Variants in C5 observed in about 807,000 individuals in gnomAD.
The protein encoded by C5 is C3 and PZP-like alpha-2-macroglobulin domain-containing protein 4.
In C5, 140 loss-of-function variants were observed where a neutral mutation model predicts 218.8. That is an observed-to-expected ratio of 0.64 (90% CI 0.56 to 0.74). The LOEUF is 0.74. Ranked by LOEUF, C5 falls within the 30% of genes least tolerant of loss-of-function variation. The pLI is 0.00. For synonymous variants in C5, 614 were observed against 682.3 expected, an observed-to-expected ratio of 0.90 and a Z score of 1.56; for missense variants, 1,700 against 1,969.6, an observed-to-expected ratio of 0.86 and a Z score of 2.59.
rs183636440 is a variant in C5, at chr9:121,014,197, A to G, written c.2060-127T>C. On this transcript the variant is annotated intron_variant, in intron 16 of 40. Transcript: ENST00000223642. Reference sequence around the variant, plus strand: ...CCCCCTACCCACAATAGTTATGGCTAGTTGACTGTCCAGACTCCCCTTGGA... The same window carrying G: ...CCCCCTACCCACAATAGTTATGGCTGGTTGACTGTCCAGACTCCCCTTGGA... The G allele has an allele frequency of 9.2e-5, 74 of 800,244 alleles. No homozygotes were observed. In the African/African-American group the frequency reaches 1.1e-3, roughly 12 times the overall value. 49.6% of individuals were successfully genotyped at this position (800,244 alleles called of 1,614,324 possible). A position where few individuals can be genotyped will look rare whatever the true frequency, so the allele number is the denominator to read the frequency against.
At chr9:121,057,433 T>C in the C5 span, among the ~76,000 whole-genome samples, 1 of 152,110 alleles carries the variant, frequency 6.6e-6, no homozygotes, top group Non-Finnish European at 1.5e-5. Context: ...AGACAGACCA[T>C]GTAAAAAGAT....
chr9:121,017,792 A>T lies in C5; in HGVS notation c.1567T>A (p.Tyr523Asn). The T allele has an allele frequency of 6.2e-7, 1 of 1,613,904 alleles. No homozygotes were observed. Among genetic ancestry groups the T allele is most frequent in the Non-Finnish European group, 8.5e-7 (1 of 1,179,844 alleles). ...GTREKFSDAS[Y>N]QSINIPVTQN... ...GTTACTGGAATGTTTATACTTTGAT[A>T]AGATGCATCTGAAAATTTCTCCCTC... The change falls in exon 13 of 41, where the codon TAT (tyrosine) becomes AAT (asparagine). Residue 523 changes from tyrosine (Y) to asparagine (N), a missense_variant. Tyr to Asn is a moderately radical substitution (Grantham distance 143). Coordinates refer to ENST00000223642, the MANE Select transcript of C5 (RefSeq NM_001735.3).
At chr9:120,959,478 C>T (rs1313570197) in intron 38 of C5, among the ~76,000 whole-genome samples, 1 of 151,864 alleles carries the variant, frequency 6.6e-6, no homozygotes, top group African/African-American at 2.4e-5. Flanking sequence ...CCAGGCTGGT[C>T]TCAAACTCCT....
At chr9:121,021,953 TG>T (rs1351300515) in intron 10 of C5, among the ~76,000 whole-genome samples, 3 of 151,798 alleles carry the variant, frequency 2.0e-5, no homozygotes, top group African/African-American at 7.3e-5. Flanking sequence ...CCCAAGTAGC[TG>T]GAACTATTTA....
intron 18 of C5, 55 bp from the exon 19 acceptor site, chr9:121,007,032 T>C: frequency 7.6e-7 from 1 of 1,315,790 alleles, no homozygotes; most frequent in Non-Finnish European, 1.1e-6. Flanking sequence ...TAACCCAACT[T>C]AACAGAGACA....
intron 6 of C5, among the ~76,000 whole-genome samples, chr9:121,031,677 C>T (rs1267147065): frequency 1.3e-5 from 2 of 152,200 alleles, no homozygotes; most frequent in South Asian, 2.1e-4. Context: ...TACTTCTAGC[C>T]ATACGTACAG....
chr9:121,061,982 C>T, the C5 span, among the ~76,000 whole-genome samples: 1 of 152,180 alleles, frequency 6.6e-6, no homozygotes, highest in African/African-American at 2.4e-5. Context: ...ATTCAAGGTA[C>T]ACATAATAGT....
intron 25 of C5, among the ~76,000 whole-genome samples, chr9:120,984,031 T>C (rs1163804034): frequency 1.3e-5 from 2 of 152,194 alleles, no homozygotes; most frequent in East Asian, 3.8e-4. Context: ...TTTAGTAATA[T>C]GCCTTAGAGA....
intron 4 of C5, among the ~76,000 whole-genome samples, chr9:121,035,570 G>A (rs1281490522): frequency 6.6e-6 from 1 of 151,942 alleles, no homozygotes; most frequent in East Asian, 1.9e-4. Flanking sequence ...GCCCCTATCT[G>A]TACAAAAAAC....
intron 14 of C5, 72 bp from the exon 15 acceptor site, chr9:121,016,455 A>G (rs139931096): frequency 1.5e-4 from 229 of 1,576,810 alleles, no homozygotes; most frequent in Non-Finnish European, 1.9e-4. Context: ...AAAAGGTACT[A>G]ATTGTTACAT....
rs2046750224 is a variant in C5 at position 120,952,344 on chromosome 9, A to C, written c.*395T>G. The stretch of plus-strand genomic sequence containing the variant: ...AGGCTTTTTAGCACAGTTTGAAAGC[A>C]AACTCAGGCTTTAATGATCAGTTTC... On this transcript the variant is annotated 3_prime_UTR_variant, in exon 41 of 41. Transcript: ENST00000223642. 2 of 278,450 alleles carry C rather than the reference A, an allele frequency of 7.2e-6. No individual in the cohort carries two copies. The highest frequency in any genetic ancestry group is 4.4e-5 in the African/African-American group (2 of 45,010). 17.2% of individuals were successfully genotyped at this position (278,450 alleles called of 1,614,324 possible).
Position 121,032,215 on chromosome 9 carries a change from AAAATTATAGATGTCATC to A in C5, c.585-37_585-21del. On this transcript the variant is annotated intron_variant, in intron 5 of 40. Coordinates refer to ENST00000223642, the MANE Select transcript of C5 (RefSeq NM_001735.3). ...CCATATCTGTGGAAGCAAAATATTT[AAAATTATAGATGTCATC>A]AAATGTTTTTAATTCACTCAGAGGA... 1 of 1,392,642 alleles carries A rather than the reference AAAATTATAGATGTCATC, an allele frequency of 7.2e-7. No homozygotes were observed. Among genetic ancestry groups the A allele is most frequent in the Non-Finnish European group, 1.0e-6 (1 of 978,750 alleles). 86.3% of individuals were successfully genotyped at this position (1,392,642 alleles called of 1,614,324 possible).
chr9:120,965,160 G>C (rs2046857633), intron 33 of C5, among the ~76,000 whole-genome samples: 1 of 152,136 alleles, frequency 6.6e-6, no homozygotes, highest in Admixed American at 6.6e-5. Context: ...TGGTGGAAGA[G>C]GAGATACTAA....
chr9:121,015,103 T>C, intron 16 of C5, 96 bp downstream of exon 16: 1 of 784,750 alleles, frequency 1.3e-6, no homozygotes, highest in Non-Finnish European at 2.2e-6. Flanking sequence ...TCATTCATTT[T>C]ATTTCAATTA....
At chr9:120,960,628 A>G (rs1416004611) in intron 37 of C5, among the ~76,000 whole-genome samples, 1 of 152,212 alleles carries the variant, frequency 6.6e-6, no homozygotes, top group Non-Finnish European at 1.5e-5. Context: ...CACAACACAA[A>G]TTCGTAAACT....
chr9:121,038,027 A>C, intron 3 of C5, 76 bp from the exon 4 acceptor site: 2 of 685,018 alleles, frequency 2.9e-6, no homozygotes. Flanking sequence ...AACCATCCTT[A>C]AAAGAGATGA....
chr9:121,025,719 C>A, intron 8 of C5, 139 bp from the exon 9 acceptor site: 1 of 762,200 alleles, frequency 1.3e-6, no homozygotes, highest in Non-Finnish European at 2.2e-6. Flanking sequence ...AAGTAGATAA[C>A]CGAGTCCACG....
chr9:121,000,702 C>G (rs529990467), intron 20 of C5, among the ~76,000 whole-genome samples: 8 of 152,096 alleles, frequency 5.3e-5, no homozygotes, highest in Non-Finnish European at 1.2e-4. Flanking sequence ...ATTTTAGGTT[C>G]GGGGCACATG....
At position 121,042,985 on chromosome 9, in the gene C5, G is replaced by T; in HGVS notation, c.421+19C>A. ...CTGTCAAATCCCCCACCCAGAGGAA[G>T]AAATATCTTATAATCTACCTGACTG... On this transcript the variant is annotated intron_variant, in intron 3 of 40. Coordinates refer to ENST00000223642, the MANE Select transcript of C5 (RefSeq NM_001735.3). 1 of 1,601,536 alleles carries T rather than the reference G, an allele frequency of 6.2e-7. No homozygotes were observed. The highest frequency in any genetic ancestry group is 8.6e-7 in the Non-Finnish European group (1 of 1,168,982).
Sources: gnomAD v4.1 joint callset for allele counts (sites outside exome capture counted in the v4.1 genomes callset) on GRCh38, gnomAD v4.1.1 for gene constraint, MANE v1.5 for transcripts, NCBI Gene and HGNC (gene_info 2026-07-23, HGNC 2026-07-21) for gene names.